The following SORCS1 variants were observed in gnomAD, a reference collection of about 807,000 sequenced individuals.
SORCS1 encodes sortilin related VPS10 domain containing receptor 1, also known as VPS10 domain-containing receptor SorCS1.
Under a neutral mutation model 146.1 loss-of-function variants are expected in SORCS1, and 60 were observed. The ratio of observed to expected loss-of-function variants is 0.41; its 90% CI spans 0.33 to 0.51. The LOEUF is 0.51. Ranked by LOEUF, SORCS1 falls within the 20% of genes least tolerant of loss-of-function variation. SORCS1 has a pLI of 0.21. For synonymous variants in SORCS1, 637 were observed against 584.0 expected (o/e 1.09, Z -1.31); for missense variants, 1,352 against 1,487.6 (o/e 0.91, Z 1.50).
rs796310928 is a variant in SORCS1 at position 107,159,112 on chromosome 10, T to C, written c.558+4857A>G. 7.9e-5 allele frequency among the ~76,000 whole-genome samples: 12 copies of C among 152,164 alleles called. No homozygotes were observed. In the South Asian group the frequency reaches 8.3e-4, roughly 11 times the overall value. Reference sequence around the variant, plus strand: ...TTTGCTGCAAACCCATGTGCACAGATTGAAATGAAGGCCTGCTGGGATCTC... The same window carrying C: ...TTTGCTGCAAACCCATGTGCACAGACTGAAATGAAGGCCTGCTGGGATCTC... On this transcript the variant is annotated intron_variant, in intron 1 of 25. Coordinates refer to ENST00000263054, the MANE Select transcript of SORCS1 (RefSeq NM_052918.5).
At chr10:106,934,811 A>G (rs1953625830) in intron 2 of SORCS1, among the ~76,000 whole-genome samples, 1 of 152,210 alleles carries the variant, frequency 6.6e-6, no homozygotes, top group South Asian at 2.1e-4. Flanking sequence ...TAACTCGGGA[A>G]TGGAAAACCA....
intron 23 of SORCS1, among the ~76,000 whole-genome samples, chr10:106,604,147 A>T (rs1346882696): frequency 6.6e-6 from 1 of 152,194 alleles, no homozygotes; most frequent in Non-Finnish European, 1.5e-5. Flanking sequence ...CCCATATGGT[A>T]GCCAGGAAAA....
intron 4 of SORCS1, among the ~76,000 whole-genome samples, chr10:106,769,908 T>C (rs1859881073): frequency 2.6e-5 from 4 of 152,024 alleles, no homozygotes; most frequent in South Asian, 4.2e-4. Flanking sequence ...CTGGCCAACA[T>C]GGTCAAACCC....
intron 3 of SORCS1, among the ~76,000 whole-genome samples, chr10:106,820,216 TG>T (rs1365176026): frequency 1.3e-5 from 2 of 152,188 alleles, no homozygotes; most frequent in Non-Finnish European, 2.9e-5. Flanking sequence ...ACACACATAC[TG>T]CCCCAAGCAG....
intron 4 of SORCS1, among the ~76,000 whole-genome samples, chr10:106,769,135 C>T (rs889342410): frequency 2.6e-5 from 4 of 152,128 alleles, no homozygotes; most frequent in African/African-American, 9.7e-5. Flanking sequence ...GGAATGTCTG[C>T]CATTGAAAGC....
intron 19 of SORCS1, among the ~76,000 whole-genome samples, chr10:106,624,962 T>C (rs978832541): frequency 6.6e-6 from 1 of 152,204 alleles, no homozygotes; most frequent in Admixed American, 6.5e-5. Context: ...GGCCCCCAGC[T>C]GGCTGGCTGC....
rs1333446340 is a variant in SORCS1 at position 107,164,276 on chromosome 10, TC to T, written c.250del (p.Asp84ThrfsTer49). The T allele has an allele frequency of 6.3e-7, 1 of 1,599,622 alleles. No homozygotes were observed. On this transcript the variant is annotated frameshift_variant, in exon 1 of 26. Coordinates refer to ENST00000263054, the MANE Select transcript of SORCS1 (RefSeq NM_052918.5). LOFTEE classifies it high-confidence loss of function. This position sits in a 1 kb window ranked among gnomAD's most constrained non-coding sequence, Gnocchi z 6.8. Reference sequence around the variant, plus strand: ...AGCCCGCTCCAGGGATAGCGCTCGGTCCCCGGGGGCCACTGAGAACAGGGGA... The same window carrying T: ...AGCCCGCTCCAGGGATAGCGCTCGGTCCCGGGGGCCACTGAGAACAGGGGA... Reference protein sequence around the residue: ...VRPLFSVAPGDRALSLERARG... With the variant: ...VRPLFSVAPGXRALSLERARG...
chr10:107,109,786 T>C (rs1163918635), intron 1 of SORCS1, among the ~76,000 whole-genome samples: 2 of 152,242 alleles, frequency 1.3e-5, no homozygotes, highest in Non-Finnish European at 2.9e-5. Flanking sequence ...TCTAAACTTT[T>C]ACATTCTGTT....
intron 1 of SORCS1, among the ~76,000 whole-genome samples, chr10:107,015,320 G>A (rs1335674944): frequency 6.6e-6 from 1 of 152,136 alleles, no homozygotes; most frequent in Non-Finnish European, 1.5e-5. Flanking sequence ...TATGTCAGAA[G>A]GTGACTTGTG....
chr10:106,993,081 C>T (rs565593486), intron 1 of SORCS1, among the ~76,000 whole-genome samples: 11 of 152,172 alleles, frequency 7.2e-5, no homozygotes, highest in Non-Finnish European at 1.0e-4. Flanking sequence ...CTGCCGGCCT[C>T]GGCCTCCCAA....
intron 1 of SORCS1, among the ~76,000 whole-genome samples, chr10:107,009,689 T>C (rs1323458007): frequency 1.3e-5 from 2 of 152,192 alleles, no homozygotes; most frequent in Admixed American, 6.5e-5. Context: ...TTTAAAAACA[T>C]ATATATAATT....
Position 106,852,388 on chromosome 10 carries a change from C to T in SORCS1, c.627-22715G>A, listed in dbSNP as rs200178629. On this transcript the variant is annotated intron_variant, in intron 2 of 25. Coordinates refer to ENST00000263054, the MANE Select transcript of SORCS1 (RefSeq NM_052918.5). The stretch of plus-strand genomic sequence containing the variant: ...CTCACACCTGTAATCCCAGCACTTT[C>T]GAAGGCTGAGGCAGTCGCATCACAA... Among the ~76,000 whole-genome samples the T allele has an allele frequency of 2.0e-4, 30 of 152,068 alleles. No homozygotes were observed. In the South Asian group the frequency reaches 4.4e-3, roughly 22 times the overall value.
chr10:107,096,005 C>A (rs1023507266), intron 1 of SORCS1, among the ~76,000 whole-genome samples: 3 of 152,002 alleles, frequency 2.0e-5, no homozygotes, highest in East Asian at 3.9e-4. Flanking sequence ...AGGATTTTTC[C>A]TCTTGTATAT....
chr10:106,736,602 T>TTAAAAAAAAAAA (rs1433395056), intron 5 of SORCS1, among the ~76,000 whole-genome samples: 6 of 38,756 alleles, frequency 1.5e-4, no homozygotes, highest in African/African-American at 3.5e-4. Context: ...TAACCCTGGT[T>TTAAAAAAAAAAA]AAAAAAAAAA....
At chr10:106,797,423 A>T (rs1946626934) in intron 3 of SORCS1, among the ~76,000 whole-genome samples, 1 of 152,102 alleles carries the variant, frequency 6.6e-6, no homozygotes, top group Non-Finnish European at 1.5e-5. Context: ...CCTGACCCCA[A>T]CATCTATACT....
At chr10:106,587,139 T>C (rs1293963018) in intron 24 of SORCS1, among the ~76,000 whole-genome samples, 4 of 152,204 alleles carry the variant, frequency 2.6e-5, no homozygotes, top group African/African-American at 4.8e-5. Flanking sequence ...TCTGTGCAAC[T>C]ACCTAATTAC....
intron 1 of SORCS1, among the ~76,000 whole-genome samples, chr10:107,038,848 C>T (rs921659484): frequency 2.6e-5 from 4 of 152,072 alleles, no homozygotes; most frequent in African/African-American, 4.8e-5. Context: ...CGAACTTCAA[C>T]CAAAGTTTAT....
At chr10:106,787,395 T>C (rs1411261813) in intron 3 of SORCS1, among the ~76,000 whole-genome samples, 1 of 152,202 alleles carries the variant, frequency 6.6e-6, no homozygotes, top group Non-Finnish European at 1.5e-5. Flanking sequence ...AAATGTATTC[T>C]AGAAACATAA....
rs372521295 is a variant in SORCS1 at position 106,867,869 on chromosome 10, G to A, written c.627-38196C>T. Among the ~76,000 whole-genome samples the A allele has an allele frequency of 2.0e-5, 3 of 152,110 alleles. No homozygotes were observed. The South Asian group carries it at 6.2e-4, about 32-fold the overall frequency. Reference sequence around the variant, plus strand: ...ATCCACACATATCAATACCAACCTTGAATGTAAACTGGCTAAATGCCCCAC... The same window carrying A: ...ATCCACACATATCAATACCAACCTTAAATGTAAACTGGCTAAATGCCCCAC... On this transcript the variant is annotated intron_variant, in intron 2 of 25. Transcript: ENST00000263054.
Sources: gnomAD v4.1 joint callset for allele counts (sites outside exome capture counted in the v4.1 genomes callset) on GRCh38, gnomAD v4.1.1 for gene constraint, Gnocchi (gnomAD v3.1) non-coding constraint, MANE v1.5 for transcripts, NCBI Gene and HGNC (gene_info 2026-07-23, HGNC 2026-07-21) for gene names.